The following UGT1A4 variants were observed in gnomAD, a reference collection of about 807,000 sequenced individuals.
The protein encoded by UGT1A4 is UDP-glucuronosyltransferase 1A4.
In UGT1A4, 32 loss-of-function variants were observed where a neutral mutation model predicts 41.1. The observed-to-expected ratio is 0.78, with a 90% CI of 0.59 to 1.05. The LOEUF (loss-of-function observed/expected upper bound fraction) is 1.05. Ranked by LOEUF, UGT1A4 falls within the 50% of genes least tolerant of loss-of-function variation. The pLI, the probability that UGT1A4 is intolerant of heterozygous loss-of-function variation, is 0.00. For missense variants in UGT1A4, 748 were observed against 677.4 expected (o/e 1.10, Z -1.16); for synonymous variants, 283 against 265.1 (o/e 1.07, Z -0.66).
intron 1 of UGT1A4, chr2:233,729,897 C>G: frequency 6.2e-7 from 1 of 1,613,908 alleles, no homozygotes; most frequent in Non-Finnish European, 8.5e-7. Context: ...TGTGGCTGTT[C>G]CGAGGGGACT....
chr2:233,745,268 C>T (rs755257414), intron 1 of UGT1A4, among the ~76,000 whole-genome samples: 3 of 151,698 alleles, frequency 2.0e-5, no homozygotes, highest in Non-Finnish European at 4.4e-5. Context: ...ACTTGCAGGC[C>T]GTGTGTATAG....
chr2:233,725,038 C>G lies in UGT1A4; in HGVS notation c.867+5351C>G, dbSNP rs1391626503. On this transcript the variant is annotated intron_variant, in intron 1 of 4. Coordinates refer to ENST00000373409, the MANE Select transcript of UGT1A4 (RefSeq NM_007120.3). ...CAGCAAAACCCGGTCTCCACCAAAA[C>G]CAGTCAGGCGTGGCGGCGCGCGCCT... Among the ~76,000 whole-genome samples, 35 of 148,320 alleles carry G rather than the reference C, an allele frequency of 2.4e-4. 2 individuals carry two copies. Among genetic ancestry groups the G allele is most frequent in the Non-Finnish European group, 4.3e-4 (29 of 67,320 alleles).
intron 1 of UGT1A4, among the ~76,000 whole-genome samples, chr2:233,759,957 T>C (rs371912681): frequency 1.3e-5 from 2 of 152,236 alleles, no homozygotes; most frequent in Non-Finnish European, 2.9e-5. Context: ...CACTACATAG[T>C]CGTCCTTCTT....
rs1699539864 is a variant in UGT1A4, at chr2:233,767,990, G to A, written c.1087+54G>A. ...CAAACCAGGGTCAAATTAAGAAAATGGCTTAAGCACAGCTATTCTAAAGGA... is the reference window on the plus strand; with the variant it reads ...CAAACCAGGGTCAAATTAAGAAAATAGCTTAAGCACAGCTATTCTAAAGGA... On this transcript the variant is annotated intron_variant, in intron 3 of 4. Coordinates refer to ENST00000373409, the MANE Select transcript of UGT1A4 (RefSeq NM_007120.3). 1.9e-5 allele frequency: 30 copies of A among 1,613,976 alleles called. No individual in the cohort carries two copies. In the South Asian group the frequency reaches 3.2e-4, roughly 17 times the overall value.
chr2:233,759,702 G>A (rs780884491), intron 1 of UGT1A4, among the ~76,000 whole-genome samples: 4 of 150,764 alleles, frequency 2.7e-5, no homozygotes, highest in Admixed American at 2.0e-4. Context: ...ACCTCATGGC[G>A]CGTGCTCGTG....
chr2:233,726,550 A>C (rs1388037540), intron 1 of UGT1A4, among the ~76,000 whole-genome samples: 1 of 152,162 alleles, frequency 6.6e-6, no homozygotes, highest in Non-Finnish European at 1.5e-5. Context: ...CAGCGTCTTC[A>C]AGTCTCCCAC....
intron 1 of UGT1A4, among the ~76,000 whole-genome samples, chr2:233,759,178 G>A (rs1697077752): frequency 6.6e-6 from 1 of 152,148 alleles, no homozygotes; most frequent in South Asian, 2.1e-4. Context: ...AGGTTTCACG[G>A]CAAAAAGTTC....
At chr2:233,725,198 A>AGAGGCAGAGGCAGAGGCAGAG (rs1377722142) in intron 1 of UGT1A4, among the ~76,000 whole-genome samples, 1 of 86,634 alleles carries the variant, frequency 1.2e-5, no homozygotes, top group Non-Finnish European at 2.0e-5. Context: ...AGGCAGAGGC[A>AGAGGCAGAGGCAGAGGCAGAG]GAGGCAGAGG....
chr2:233,722,936 C>A (rs1348734383), intron 1 of UGT1A4, among the ~76,000 whole-genome samples: 1 of 147,750 alleles, frequency 6.8e-6, no homozygotes, highest in Non-Finnish European at 1.5e-5. Flanking sequence ...TGTCTCCATG[C>A]TGAGTGGGCT....
intron 1 of UGT1A4, among the ~76,000 whole-genome samples, chr2:233,736,673 G>T (rs780660249): frequency 2.0e-4 from 30 of 152,198 alleles, no homozygotes; most frequent in Non-Finnish European, 3.5e-4. Context: ...TTAGGTCTTT[G>T]ATGTTGGTGA....
chr2:233,734,094 C>T (rs981980802), intron 1 of UGT1A4, among the ~76,000 whole-genome samples: 3 of 151,762 alleles, frequency 2.0e-5, no homozygotes, highest in African/African-American at 7.3e-5. Flanking sequence ...CACCCTAAAA[C>T]TTAAAGTATA....
intron 1 of UGT1A4, among the ~76,000 whole-genome samples, chr2:233,757,279 A>T (rs1159492481): frequency 7.8e-6 from 1 of 127,878 alleles, no homozygotes; most frequent in Admixed American, 8.4e-5. Context: ...GCAATGATTC[A>T]GAAGGGACAG....
intron 1 of UGT1A4, among the ~76,000 whole-genome samples, chr2:233,759,493 G>T (rs1697150879): frequency 6.6e-6 from 1 of 152,220 alleles, no homozygotes; most frequent in South Asian, 2.1e-4. Flanking sequence ...GCTCTTTCAG[G>T]TTCACACTAA....
chr2:233,767,712 C>G (rs1699458163), intron 2 of UGT1A4, 137 bp from the exon 3 acceptor site: 1 of 1,533,444 alleles, frequency 6.5e-7, no homozygotes, highest in African/African-American at 1.4e-5. Flanking sequence ...CCTCAGAAGC[C>G]TTCACAGTTA....
In UGT1A4 at chr2:233,719,425, C is replaced by G; in HGVS notation, c.605C>G (p.Ser202Ter). The change falls in exon 1 of 5, where the codon TCA becomes TGA. Residue 202 changes from serine to a stop codon, truncating the protein, a stop_gained. Transcript: ENST00000373409. LOFTEE classifies it high-confidence loss of function. ...SYIPKLLTTNSDHMTFLQRVK... is the reference protein window; with the variant it reads ...SYIPKLLTTN ...ATTCCTAAGTTACTAACGACCAATT[C>G]AGACCACATGACATTCCTGCAAAGG... The G allele has an allele frequency of 6.2e-7, 1 of 1,613,998 alleles. No individual in the cohort carries two copies. The highest frequency in any genetic ancestry group is 8.5e-7 in the Non-Finnish European group (1 of 1,179,884).
chr2:233,744,229 G>C (rs1245532493), intron 1 of UGT1A4, among the ~76,000 whole-genome samples: 2 of 151,826 alleles, frequency 1.3e-5, no homozygotes, highest in Non-Finnish European at 2.9e-5. Flanking sequence ...AAAAGAGAGG[G>C]CCTTGACTTT....
chr2:233,729,363 C>G (rs747061628), intron 1 of UGT1A4: 9 of 1,614,038 alleles, frequency 5.6e-6, no homozygotes, highest in Non-Finnish European at 5.9e-6. Flanking sequence ...CCCTGACAAC[C>G]TATGCCATTT....
In UGT1A4 at chr2:233,769,373, C is replaced by T. The variant is rs1030548501; in HGVS notation, c.1307+934C>T. On this transcript the variant is annotated intron_variant, in intron 4 of 4. Coordinates refer to ENST00000373409, the MANE Select transcript of UGT1A4 (RefSeq NM_007120.3). The surrounding 1 kb of genome is among the most constrained non-coding windows in gnomAD (Gnocchi z 4.4). The stretch of plus-strand genomic sequence containing the variant: ...AGAAGTGGTGGCCAGTGGTAGATTT[C>T]ATCCGACAATAGATACTGTGTGCAT... Among the ~76,000 whole-genome samples, 1 of 152,206 alleles carries T rather than the reference C, an allele frequency of 6.6e-6. No individual in the cohort carries two copies. The highest frequency in any genetic ancestry group is 2.4e-5 in the African/African-American group (1 of 41,452).
intron 1 of UGT1A4, chr2:233,729,655 C>G (rs2077902514): frequency 6.2e-7 from 1 of 1,613,788 alleles, no homozygotes; most frequent in African/African-American, 1.3e-5. Flanking sequence ...GAGGAACATT[C>G]CATGTGATTT....
Sources: gnomAD v4.1 joint callset for allele counts (sites outside exome capture counted in the v4.1 genomes callset) on GRCh38, gnomAD v4.1.1 for gene constraint, Gnocchi (gnomAD v3.1) non-coding constraint, MANE v1.5 for transcripts, NCBI Gene and HGNC (gene_info 2026-07-23, HGNC 2026-07-21) for gene names.